ABCA13: variants seen among roughly 807,000 people sequenced by gnomAD.
ABCA13 encodes ATP-binding cassette sub-family A member 13.
A neutral mutation model predicts 478.7 loss-of-function variants in ABCA13; 476 were observed. The ratio of observed to expected loss-of-function variants is 0.99; its 90% CI spans 0.92 to 1.07. ABCA13 has a LOEUF of 1.07. ABCA13 is among the 50% of genes least tolerant of loss of function. ABCA13 has a pLI of 0.00. For synonymous variants in ABCA13, 2,252 were observed against 2,158.9 expected (o/e 1.04, Z -1.20); for missense variants, 6,060 against 5,910.6 (o/e 1.03, Z -0.83).
chr7:48,643,196 C>T (rs945129622), intron 59 of ABCA13, 92 bp from the exon 60 acceptor site: 1 of 785,084 alleles, frequency 1.3e-6, no homozygotes, highest in East Asian at 2.5e-5. Flanking sequence ...TAATTACTTC[C>T]TTTTTCTCCC....
At chr7:48,310,286 C>A in intron 24 of ABCA13, 145 bp downstream of exon 24, 1 of 890,638 alleles carries the variant, frequency 1.1e-6, no homozygotes, top group Non-Finnish European at 1.7e-6. Context: ...TCTGGTGTCA[C>A]CTGTTTGCTG....
chr7:48,402,480 A>G (rs905258196), intron 38 of ABCA13, among the ~76,000 whole-genome samples: 2 of 152,340 alleles, frequency 1.3e-5, no homozygotes, highest in South Asian at 2.1e-4. Context: ...CTGGGAACAC[A>G]TGAAAAACAG....
At chr7:48,449,775 G>C (rs145573357) in intron 42 of ABCA13, among the ~76,000 whole-genome samples, 17 of 152,200 alleles carry the variant, frequency 1.1e-4, no homozygotes, top group African/African-American at 4.1e-4. Flanking sequence ...CCAGCATTAT[G>C]ACTGGGGTCA....
At chr7:48,518,106 TA>T (rs1832267829) in intron 52 of ABCA13, among the ~76,000 whole-genome samples, 1 of 152,236 alleles carries the variant, frequency 6.6e-6, no homozygotes, top group African/African-American at 2.4e-5. Flanking sequence ...TTTACAGATT[TA>T]TTATTGACAC....
At chr7:48,175,900 C>A (rs560391810) in intron 1 of ABCA13, among the ~76,000 whole-genome samples, 1 of 152,132 alleles carries the variant, frequency 6.6e-6, no homozygotes, top group Non-Finnish European at 1.5e-5. Context: ...ACAACAACAA[C>A]AACAACAACA....
intron 17 of ABCA13, among the ~76,000 whole-genome samples, chr7:48,276,918 T>A (rs1348978580): frequency 6.6e-6 from 1 of 152,248 alleles, no homozygotes; most frequent in Non-Finnish European, 1.5e-5. Context: ...CTATACTAAC[T>A]GTCTAATCAC....
intron 15 of ABCA13, among the ~76,000 whole-genome samples, chr7:48,250,998 T>A (rs1792469098): frequency 6.6e-6 from 1 of 152,210 alleles, no homozygotes; most frequent in African/African-American, 2.4e-5. Context: ...TTCATGCTGT[T>A]TTTTAAACTG....
Position 48,410,687 on chromosome 7 carries a change from G to A in ABCA13, c.12228+10G>A. The A allele has an allele frequency of 1.2e-6, 2 of 1,607,546 alleles. No individual in the cohort carries two copies. The highest frequency in any genetic ancestry group is 1.7e-6 in the Non-Finnish European group (2 of 1,175,806). On this transcript the variant is annotated intron_variant, in intron 40 of 61. Transcript: ENST00000435803. ...GACACTCACGAGGCAGGTAAGGAGT[G>A]CAACCATTCTATCTCACTGAAGTCC... is the stretch of plus-strand genomic sequence containing the variant.
intron 55 of ABCA13, among the ~76,000 whole-genome samples, chr7:48,531,374 T>G (rs1014821113): frequency 2.6e-5 from 4 of 152,184 alleles, no homozygotes; most frequent in Admixed American, 2.0e-4. Flanking sequence ...ACAAGTACCA[T>G]TCTGTTTTGG....
chr7:48,553,099 A>ATTT (rs1288498795), intron 55 of ABCA13, among the ~76,000 whole-genome samples: 1 of 152,018 alleles, frequency 6.6e-6, no homozygotes, highest in Non-Finnish European at 1.5e-5. Context: ...GGTTTATTTC[A>ATTT]CTTAACACAA....
chr7:48,249,325 A>G lies in ABCA13; in HGVS notation c.1979A>G (p.Gln660Arg). The change falls in exon 15 of 62, where the codon CAA (glutamine) becomes CGA (arginine). Residue 660 changes from glutamine (Q) to arginine (R), a missense_variant. Physicochemically the swap from Gln to Arg is conservative, Grantham distance 43. Around this residue, in one of 3 missense-constraint regions of ABCA13, gnomAD observed 4,423 missense variants for 4,309.1 expected, o/e 1.03. Coordinates refer to ENST00000435803, the MANE Select transcript of ABCA13 (RefSeq NM_152701.5). ...GAAGTGGCCCAATATGTAAATATGC[A>G]AGAGAGTTTCCAGAACAGACTATTG... ...TCEVAQYVNMQESFQNRLLAF... is the reference protein window; with the variant it reads ...TCEVAQYVNMRESFQNRLLAF... 1 of 1,613,356 alleles carries G rather than the reference A, an allele frequency of 6.2e-7. No individual in the cohort carries two copies. Among genetic ancestry groups the G allele is most frequent in the South Asian group, 1.1e-5 (1 of 91,046 alleles).
chr7:48,572,051 A>T (rs1787708115), intron 55 of ABCA13, among the ~76,000 whole-genome samples: 1 of 152,118 alleles, frequency 6.6e-6, no homozygotes, highest in Non-Finnish European at 1.5e-5. Flanking sequence ...CTGGTGGCAC[A>T]CGCATGTAAT....
chr7:48,330,369 C>G (rs895033401), intron 27 of ABCA13, among the ~76,000 whole-genome samples: 2 of 151,322 alleles, frequency 1.3e-5, no homozygotes, highest in African/African-American at 4.9e-5. Context: ...ATCCACCCAT[C>G]CATCCATCCA....
chr7:48,213,738 C>T (rs1156557109), intron 3 of ABCA13, among the ~76,000 whole-genome samples: 2 of 152,176 alleles, frequency 1.3e-5, no homozygotes, highest in Non-Finnish European at 2.9e-5. Flanking sequence ...TACCAACTAA[C>T]TTTATGTAAT....
chr7:48,398,600 T>C (rs989260028), intron 38 of ABCA13, among the ~76,000 whole-genome samples: 4 of 152,194 alleles, frequency 2.6e-5, no homozygotes, highest in African/African-American at 9.7e-5. Flanking sequence ...ATTCAGATCA[T>C]TACTGTTTTG....
At chr7:48,598,992 G>C (rs536117959) in intron 58 of ABCA13, among the ~76,000 whole-genome samples, 83 of 151,884 alleles carry the variant, frequency 5.5e-4, no homozygotes, top group Non-Finnish European at 1.0e-3. Context: ...ATTATTTATT[G>C]TATGATTTAT....
chr7:48,308,971 T>C (rs2128877061), intron 23 of ABCA13, among the ~76,000 whole-genome samples: 1 of 143,394 alleles, frequency 7.0e-6, no homozygotes, highest in South Asian at 2.3e-4. Flanking sequence ...GTTCACACAA[T>C]TAAACAATTA....
At chr7:48,189,793 G>A (rs1314150592) in intron 1 of ABCA13, among the ~76,000 whole-genome samples, 2 of 152,096 alleles carry the variant, frequency 1.3e-5, no homozygotes, top group Non-Finnish European at 2.9e-5. Flanking sequence ...ATAAATTAAT[G>A]GCATGAAAGA....
At chr7:48,276,680 A>G in intron 17 of ABCA13, 115 bp downstream of exon 17, 1 of 789,204 alleles carries the variant, frequency 1.3e-6, no homozygotes, top group Non-Finnish European at 1.9e-6. Context: ...CCTTTGAAAG[A>G]TCTTTGATGT....
Sources: gnomAD v4.1 joint callset for allele counts (sites outside exome capture counted in the v4.1 genomes callset) on GRCh38, gnomAD v4.1.1 for gene constraint, gnomAD v4.1.1 regional missense constraint, MANE v1.5 for transcripts, NCBI Gene and HGNC (gene_info 2026-07-23, HGNC 2026-07-21) for gene names.